GRID2: variants seen among roughly 807,000 people sequenced by gnomAD.
The protein encoded by GRID2 is glutamate receptor ionotropic, delta-2.
GRID2 carries 33 observed loss-of-function variants against 114.8 expected under a neutral mutation model. That is an observed-to-expected ratio of 0.29 (90% CI 0.22 to 0.38). The LOEUF (loss-of-function observed/expected upper bound fraction) is 0.38, where lower values mean the gene tolerates loss of function less well. Among genes scored for constraint, GRID2 ranks in the 10% least tolerant of loss-of-function variants. GRID2 has a pLI of 1.00. For missense variants in GRID2, 1,184 were observed against 1,257.7 expected (o/e 0.94, Z 0.89); for synonymous variants, 505 against 449.9 (o/e 1.12, Z -1.55).
intron 2 of GRID2, among the ~76,000 whole-genome samples, chr4:92,710,530 T>C (rs1170009790): frequency 6.6e-6 from 1 of 152,204 alleles, no homozygotes; most frequent in African/African-American, 2.4e-5. Flanking sequence ...TGCCAGGCCC[T>C]CTCTTAGCTT....
chr4:93,387,563 C>T (rs997466207), intron 8 of GRID2, among the ~76,000 whole-genome samples: 5 of 152,094 alleles, frequency 3.3e-5, no homozygotes, highest in Non-Finnish European at 7.4e-5. Flanking sequence ...GGCGCGGTGG[C>T]TGATGCTTGT....
At chr4:92,409,403 G>C (rs966522656) in intron 1 of GRID2, among the ~76,000 whole-genome samples, 4 of 152,100 alleles carry the variant, frequency 2.6e-5, no homozygotes, top group Non-Finnish European at 5.9e-5. Context: ...ATGAACTCTA[G>C]AGAATGGTAT....
At chr4:93,328,128 A>C (rs533990249) in intron 8 of GRID2, among the ~76,000 whole-genome samples, 1 of 125,494 alleles carries the variant, frequency 8.0e-6, no homozygotes, top group Non-Finnish European at 1.7e-5. Flanking sequence ...AAAAACAAAA[A>C]CAAAAAAAAA....
intron 2 of GRID2, among the ~76,000 whole-genome samples, chr4:92,721,403 A>G (rs2149317734): frequency 6.6e-6 from 1 of 152,256 alleles, no homozygotes; most frequent in African/African-American, 2.4e-5. Context: ...ACTACATGAA[A>G]TTTCAGTTTT....
intron 1 of GRID2, among the ~76,000 whole-genome samples, chr4:92,460,053 T>TATATATATATATATACAC (rs1032538170): frequency 3.0e-5 from 3 of 99,804 alleles, no homozygotes; most frequent in Non-Finnish European, 4.0e-5. Context: ...TATATATATA[T>TATATATATATATATACAC]ACACACACAA....
intron 2 of GRID2, among the ~76,000 whole-genome samples, chr4:92,885,891 C>G (rs750515464): frequency 2.6e-5 from 4 of 152,168 alleles, no homozygotes; most frequent in Non-Finnish European, 5.9e-5. Context: ...TAGTAACTCT[C>G]AAGTAGGAAC....
downstream of GRID2, among the ~76,000 whole-genome samples, chr4:93,775,768 A>T (rs1734357606): frequency 6.6e-6 from 1 of 152,212 alleles, no homozygotes; most frequent in South Asian, 2.1e-4. Context: ...CTTTGGTTTA[A>T]TCATACATAC....
intron 2 of GRID2, among the ~76,000 whole-genome samples, chr4:92,696,271 G>A (rs1396143843): frequency 2.0e-5 from 3 of 152,044 alleles, no homozygotes; most frequent in East Asian, 1.9e-4. Flanking sequence ...AAGACACAGA[G>A]CATTATTTGT....
In GRID2 at chr4:93,656,809, G is replaced by C. The variant is rs540338461; in HGVS notation, c.2360+30374G>C. Among the ~76,000 whole-genome samples, 191 of 96,122 alleles carry C rather than the reference G, an allele frequency of 2.0e-3. 18 individuals are homozygous for C. Among genetic ancestry groups the C allele is most frequent in the Non-Finnish European group, 2.6e-3 (130 of 49,246 alleles). 63.1% of individuals were successfully genotyped at this position (96,122 alleles called of 152,430 possible). On this transcript the variant is annotated intron_variant, in intron 14 of 15. Transcript: ENST00000282020. ...TGCGCCACTGCACTTCAGCCTGGGT[G>C]ACAGAGCGAGACTCTGCCTCAAAAA...
chr4:92,533,299 C>T (rs1461498713), intron 1 of GRID2, among the ~76,000 whole-genome samples: 1 of 151,536 alleles, frequency 6.6e-6, no homozygotes, highest in African/African-American at 2.4e-5. Context: ...AACATTTACA[C>T]ACACACATAC....
chr4:92,934,407 T>A (rs2149525067), intron 2 of GRID2, among the ~76,000 whole-genome samples: 1 of 149,990 alleles, frequency 6.7e-6, no homozygotes, highest in East Asian at 2.0e-4. Flanking sequence ...TGAAGCTGCT[T>A]ATCAGCTTAA....
At chr4:93,205,671 C>T (rs1031681407) in intron 4 of GRID2, among the ~76,000 whole-genome samples, 25 of 151,904 alleles carry the variant, frequency 1.6e-4, no homozygotes, top group African/African-American at 5.6e-4. Context: ...GGGTATATAC[C>T]CAGTAATGGG....
intron 4 of GRID2, among the ~76,000 whole-genome samples, chr4:93,132,716 G>T (rs1358634044): frequency 2.6e-5 from 4 of 152,124 alleles, no homozygotes; most frequent in African/African-American, 9.7e-5. Flanking sequence ...TACCGGGAAG[G>T]CATCTCTTGA....
In GRID2 at chr4:92,922,074, T is replaced by C. The variant is rs185508993; in HGVS notation, c.245-162921T>C. On this transcript the variant is annotated intron_variant, in intron 2 of 15. Transcript: ENST00000282020. ...GGAGCCCCTCCCTCAGCCTTGCTGCTGCCTTGCAGTTTGATCTCAGACTGC... is the reference window on the plus strand; with the variant it reads ...GGAGCCCCTCCCTCAGCCTTGCTGCCGCCTTGCAGTTTGATCTCAGACTGC... Among the ~76,000 whole-genome samples the C allele has an allele frequency of 3.9e-3, 593 of 152,306 alleles. 5 individuals are homozygous for C. Among genetic ancestry groups the C allele is most frequent in the African/African-American group, 0.013 (548 of 41,582 alleles).
At chr4:93,359,267 T>G (rs1761645295) in intron 8 of GRID2, among the ~76,000 whole-genome samples, 1 of 151,828 alleles carries the variant, frequency 6.6e-6, no homozygotes, top group African/African-American at 2.4e-5. Flanking sequence ...TGCAATTTTT[T>G]CATTTTTTTT....
chr4:93,742,436 G>A (rs1434393837), intron 14 of GRID2, among the ~76,000 whole-genome samples: 3 of 152,110 alleles, frequency 2.0e-5, no homozygotes, highest in Non-Finnish European at 4.4e-5. Flanking sequence ...AGATGTGCTC[G>A]GTTATTGTAA....
At chr4:93,749,511 G>A (rs1259944545) in intron 14 of GRID2, among the ~76,000 whole-genome samples, 1 of 152,122 alleles carries the variant, frequency 6.6e-6, no homozygotes, top group Non-Finnish European at 1.5e-5. Flanking sequence ...AACATATACA[G>A]GAGGGAGAAA....
intron 6 of GRID2, 118 bp downstream of exon 6, chr4:93,217,029 C>A: frequency 1.5e-6 from 1 of 654,192 alleles, no homozygotes; most frequent in Non-Finnish European, 2.6e-6. Context: ...CAATTCTCCT[C>A]CAGCAATTTC....
chr4:92,422,285 T>A (rs147756964), intron 1 of GRID2, among the ~76,000 whole-genome samples: 2 of 152,168 alleles, frequency 1.3e-5, no homozygotes, highest in East Asian at 3.9e-4. Context: ...AGGAGCAGAT[T>A]TAGAGACCTT....
Sources: allele counts gnomAD v4.1 joint callset (sites outside exome capture counted in the v4.1 genomes callset), GRCh38; gene constraint gnomAD v4.1.1; transcripts MANE v1.5; gene names NCBI Gene and HGNC (gene_info 2026-07-23, HGNC 2026-07-21).